DMD: variants seen among roughly 807,000 people sequenced by gnomAD.
The protein encoded by DMD is dystrophin.
DMD carries 63 observed loss-of-function variants against 330.1 expected under a neutral mutation model. The ratio of observed to expected loss-of-function variants is 0.19; its 90% confidence interval spans 0.16 to 0.24. The LOEUF (loss-of-function observed/expected upper bound fraction) is 0.24, where lower values mean the gene tolerates loss of function less well. Among genes scored for constraint, DMD ranks in the 10% least tolerant of loss-of-function variants. The pLI is 1.00. For missense variants in DMD, 3,344 were observed against 2,684.1 expected, an observed-to-expected ratio of 1.25 and a Z score of -5.43; for synonymous variants, 1,223 against 959.8, an observed-to-expected ratio of 1.27 and a Z score of -5.07.
intron 29 of DMD, among the ~76,000 whole-genome samples, chrX:32,427,540 G>C (rs2098218167): frequency 9.1e-6 from 1 of 109,515 alleles, no homozygotes; most frequent in Admixed American, 9.8e-5. Context: ...CCAATAATTT[G>C]TTTCAGAACT....
chrX:31,236,412 C>A (rs992324515), intron 63 of DMD, among the ~76,000 whole-genome samples: 3 of 112,468 alleles, frequency 2.7e-5, no homozygotes, highest in Non-Finnish European at 5.6e-5. Flanking sequence ...CATCGTCCAC[C>A]CCCGCAATCC....
chrX:31,478,751 A>C (rs775096719), intron 58 of DMD, among the ~76,000 whole-genome samples: 1 of 112,349 alleles, frequency 8.9e-6, no homozygotes, highest in African/African-American at 3.2e-5. Flanking sequence ...AAATGTTCCA[A>C]TAACTGATTG....
intron 44 of DMD, among the ~76,000 whole-genome samples, chrX:32,205,013 A>ACACACACC (rs1347999496): frequency 1.7e-5 from 1 of 59,148 alleles, no homozygotes; most frequent in African/African-American, 5.8e-5. Flanking sequence ...TCTCACATAC[A>ACACACACC]CACACACACA....
chrX:31,999,349 T>G (rs751919419), intron 44 of DMD, among the ~76,000 whole-genome samples: 21 of 111,866 alleles, frequency 1.9e-4, no homozygotes, highest in Non-Finnish European at 3.6e-4. Flanking sequence ...TTGATAGCAA[T>G]GCCATACGAA....
chrX:32,925,359 T>G (rs1464748104), intron 2 of DMD, among the ~76,000 whole-genome samples: 1 of 109,994 alleles, frequency 9.1e-6, no homozygotes, highest in Admixed American at 9.8e-5. Context: ...ATTTTGAGTC[T>G]TTTCATTCTG....
chrX:31,362,396 A>G (rs926739201), intron 60 of DMD, among the ~76,000 whole-genome samples: 2 of 112,432 alleles, frequency 1.8e-5, no homozygotes, highest in Admixed American at 9.4e-5. Flanking sequence ...GCACAAAAGT[A>G]TTTAAAATAT....
chrX:32,201,423 T>C (rs1324371527), intron 44 of DMD, among the ~76,000 whole-genome samples: 9 of 106,776 alleles, frequency 8.4e-5, no homozygotes, highest in African/African-American at 3.1e-4. Flanking sequence ...TACCACCATC[T>C]GTGGTTTTCC....
At chrX:31,710,207 A>G (rs1010603924) in intron 52 of DMD, among the ~76,000 whole-genome samples, 3 of 111,860 alleles carry the variant, frequency 2.7e-5, no homozygotes, top group Non-Finnish European at 5.7e-5. Context: ...TGGGGGTAAC[A>G]GGTAGCAATG....
chrX:31,960,577 G>A (rs770836583), intron 45 of DMD, among the ~76,000 whole-genome samples: 8 of 110,695 alleles, frequency 7.2e-5, no homozygotes, highest in Non-Finnish European at 7.6e-5. Flanking sequence ...CAGAGATCAC[G>A]TTCCCTAACA....
intron 42 of DMD, among the ~76,000 whole-genome samples, chrX:32,309,277 G>A (rs1348609616): frequency 3.6e-5 from 4 of 111,503 alleles, no homozygotes; most frequent in Non-Finnish European, 5.7e-5. Flanking sequence ...TAGCTAATAT[G>A]TGCTGCTGAT....
chrX:33,050,156 CATA>C (rs1369027493), intron 1 of DMD, among the ~76,000 whole-genome samples: 5 of 111,272 alleles, frequency 4.5e-5, no homozygotes, highest in Admixed American at 3.8e-4. Context: ...GTTATGTTTG[CATA>C]ATAACTAATT....
Position 33,128,321 on chromosome X carries a change from C to T in DMD, c.31+82961G>A, listed in dbSNP as rs192405161. ...ATAAAGCAGGCACAGAATCTCTGACCAGCCTCACAAAAGCAGACAAACACA... is the reference window on the plus strand; with the variant it reads ...ATAAAGCAGGCACAGAATCTCTGACTAGCCTCACAAAAGCAGACAAACACA... On this transcript the variant is annotated intron_variant, in intron 1 of 78. Transcript: ENST00000357033. 5.1e-4 allele frequency: 523 copies of T among 1,032,422 alleles called. 4 individuals carry two copies. In the African/African-American group the frequency reaches 8.9e-3, roughly 18 times the overall value. The allele number at this position is 1,032,422 out of a possible 1,213,427, so 85.1% of individuals were successfully genotyped here. A position where few individuals can be genotyped will look rare whatever the true frequency, so the allele number is the denominator to read the frequency against.
intron 44 of DMD, among the ~76,000 whole-genome samples, chrX:32,182,159 C>T (rs191348449): frequency 6.3e-5 from 7 of 111,648 alleles, no homozygotes; most frequent in African/African-American, 1.6e-4. Flanking sequence ...GTTCACCTCT[C>T]CCTCTAGCTT....
At chrX:32,612,662 G>A (rs17243666) in intron 12 of DMD, among the ~76,000 whole-genome samples, 3,146 of 111,121 alleles carry the variant, frequency 0.028, 49 homozygotes, top group East Asian at 0.051. Flanking sequence ...TCGGAAAAGC[G>A]GTACGGTTAG....
At chrX:33,084,793 T>C (rs943269242) in intron 1 of DMD, among the ~76,000 whole-genome samples, 1 of 111,789 alleles carries the variant, frequency 8.9e-6, no homozygotes, top group Non-Finnish European at 1.9e-5. Context: ...AGGTCTGCTT[T>C]GGGAAAGGGC....
intron 11 of DMD, among the ~76,000 whole-genome samples, chrX:32,616,033 G>C (rs2057536148): frequency 9.1e-6 from 1 of 110,495 alleles, no homozygotes; most frequent in Non-Finnish European, 1.9e-5. Context: ...TGGCCAGGCT[G>C]GTATTTTGTA....
intron 7 of DMD, among the ~76,000 whole-genome samples, chrX:32,785,136 C>A (rs1253924842): frequency 1.8e-5 from 2 of 108,830 alleles, no homozygotes; most frequent in Non-Finnish European, 3.8e-5. Flanking sequence ...GTGGTCAAAT[C>A]AACCCATTGG....
chrX:31,749,493 A>T (rs1293853185), intron 51 of DMD, among the ~76,000 whole-genome samples: 2 of 106,201 alleles, frequency 1.9e-5, no homozygotes, highest in African/African-American at 3.4e-5. Context: ...TTATGGCTGC[A>T]TAGTATTCCA....
chrX:32,062,108 A>G (rs185151098), intron 44 of DMD, among the ~76,000 whole-genome samples: 1 of 111,171 alleles, frequency 9.0e-6, no homozygotes, highest in African/African-American at 3.3e-5. Flanking sequence ...AGGGTCATTC[A>G]GCTCAACTGA....
Sources: allele counts gnomAD v4.1 joint callset (sites outside exome capture counted in the v4.1 genomes callset), GRCh38; gene constraint gnomAD v4.1.1; transcripts MANE v1.5; gene names NCBI Gene and HGNC (gene_info 2026-07-23, HGNC 2026-07-21).